SEMA3A: variants seen among roughly 807,000 people sequenced by gnomAD.
SEMA3A encodes the protein semaphorin 3A.
SEMA3A carries 29 observed loss-of-function variants against 97.9 expected under a neutral mutation model. That is an observed-to-expected ratio of 0.30 (90% CI 0.22 to 0.40). The LOEUF (loss-of-function observed/expected upper bound fraction) is 0.40, where lower values mean the gene tolerates loss of function less well. Among genes scored for constraint, SEMA3A ranks in the 10% least tolerant of loss-of-function variants. The pLI, the probability that SEMA3A is intolerant of heterozygous loss-of-function variation, is 1.00. For synonymous variants in SEMA3A, 321 were observed against 323.7 expected (o/e 0.99, Z 0.09); for missense variants, 763 against 951.3 (o/e 0.80, Z 2.60).
At chr7:84,364,444 A>T (rs1159471933) in intron 2 of SEMA3A, among the ~76,000 whole-genome samples, 1 of 151,580 alleles carries the variant, frequency 6.6e-6, no homozygotes, top group Non-Finnish European at 1.5e-5. Flanking sequence ...GAAATCCATC[A>T]CCCTTTTGGA....
chr7:84,099,246 A>G (rs1166226394), intron 4 of SEMA3A, among the ~76,000 whole-genome samples: 2 of 113,832 alleles, frequency 1.8e-5, no homozygotes, highest in Admixed American at 1.0e-4. Context: ...AATTTTTTGT[A>G]TTTTTAGTAG....
intron 14 of SEMA3A, among the ~76,000 whole-genome samples, chr7:83,980,370 G>T (rs1333730315): frequency 6.6e-6 from 1 of 151,564 alleles, no homozygotes; most frequent in African/African-American, 2.4e-5. Context: ...CCTCTCAAAG[G>T]CCAAGGCATG....
Position 83,959,008 on chromosome 7 carries a change from G to A in SEMA3A, c.*2363C>T, listed in dbSNP as rs1029210493. ...ATACACATGGGCAGAGATTATGACT[G>A]TAATGAGTTATCTGCAAGTTATATC... On this transcript the variant is annotated 3_prime_UTR_variant, in exon 17 of 17. Transcript: ENST00000265362. The A allele has an allele frequency of 6.6e-5, 10 of 152,020 alleles. No homozygotes were observed. Among genetic ancestry groups the A allele is most frequent in the Admixed American group, 2.6e-4 (4 of 15,242 alleles). The allele number at this position is 152,020 out of a possible 1,614,324, so 9.4% of individuals were successfully genotyped here.
chr7:84,351,313 A>C (rs1220071448), intron 2 of SEMA3A, among the ~76,000 whole-genome samples: 1 of 152,034 alleles, frequency 6.6e-6, no homozygotes, highest in Non-Finnish European at 1.5e-5. Flanking sequence ...AAGATGTCAC[A>C]CCTTGCGTAA....
At chr7:84,073,116 A>G (rs1296501748) in intron 4 of SEMA3A, among the ~76,000 whole-genome samples, 1 of 152,156 alleles carries the variant, frequency 6.6e-6, no homozygotes, top group African/African-American at 2.4e-5. Flanking sequence ...ATTTTATTTT[A>G]GAGTATTCAT....
intron 12 of SEMA3A, among the ~76,000 whole-genome samples, chr7:83,995,268 A>AC (rs1221595494): frequency 5.7e-4 from 86 of 152,094 alleles, no homozygotes; most frequent in African/African-American, 2.0e-3. Context: ...TGCAGAAATC[A>AC]CTGTCTTCTG....
At chr7:84,436,417 T>G (rs1387903832) in intron 1 of SEMA3A, among the ~76,000 whole-genome samples, 2 of 152,166 alleles carry the variant, frequency 1.3e-5, no homozygotes, top group Non-Finnish European at 1.5e-5. Flanking sequence ...GAAGAAAATA[T>G]TTTCAAACTA....
chr7:84,095,165 C>T (rs886647760), intron 4 of SEMA3A, among the ~76,000 whole-genome samples: 2 of 144,300 alleles, frequency 1.4e-5, no homozygotes, highest in African/African-American at 5.0e-5. Flanking sequence ...ATATATATTG[C>T]ACATATCTCT....
chr7:84,078,634 GA>G (rs1220206441), intron 4 of SEMA3A, among the ~76,000 whole-genome samples: 4 of 151,944 alleles, frequency 2.6e-5, no homozygotes, highest in Non-Finnish European at 5.9e-5. Context: ...GAAGTTAATG[GA>G]AACGTCAAAG....
intron 2 of SEMA3A, among the ~76,000 whole-genome samples, chr7:84,325,596 G>GTA (rs1801757551): frequency 1.3e-5 from 2 of 151,744 alleles, no homozygotes; most frequent in South Asian, 4.2e-4. Context: ...ATATGAGGGA[G>GTA]TATAACCACC....
intron 3 of SEMA3A, among the ~76,000 whole-genome samples, chr7:84,125,350 C>A (rs1795757790): frequency 6.6e-6 from 1 of 152,218 alleles, no homozygotes; most frequent in Non-Finnish European, 1.5e-5. Context: ...ATTCAGCAAA[C>A]TCCATGTCTT....
intron 1 of SEMA3A, among the ~76,000 whole-genome samples, chr7:84,186,424 T>C (rs1797887244): frequency 6.6e-6 from 1 of 152,170 alleles, no homozygotes; most frequent in African/African-American, 2.4e-5. Context: ...AAACGTACTT[T>C]CATTTAAGCT....
At chr7:84,142,148 TA>T (rs1796314695) in intron 1 of SEMA3A, among the ~76,000 whole-genome samples, 1 of 152,218 alleles carries the variant, frequency 6.6e-6, no homozygotes, top group African/African-American at 2.4e-5. Context: ...TTATGTAAAG[TA>T]AGTTGTTCAT....
At chr7:84,491,610 A>G (rs1806737169) in intron 1 of SEMA3A, among the ~76,000 whole-genome samples, 1 of 152,128 alleles carries the variant, frequency 6.6e-6, no homozygotes, top group Admixed American at 6.6e-5. Context: ...AATTCAGAAT[A>G]TATGGTAGAG....
intron 4 of SEMA3A, among the ~76,000 whole-genome samples, chr7:84,104,688 AC>A: frequency 6.6e-6 from 1 of 152,160 alleles, no homozygotes; most frequent in East Asian, 1.9e-4. Flanking sequence ...TTACTCCCTC[AC>A]TTAAGCACTA....
chr7:84,368,415 A>G (rs1044871522), intron 2 of SEMA3A, among the ~76,000 whole-genome samples: 1 of 151,142 alleles, frequency 6.6e-6, no homozygotes, highest in Non-Finnish European at 1.5e-5. Context: ...AATGAGGTTT[A>G]CAAGGATAAA....
At chr7:84,097,461 C>G (rs1424024768) in intron 4 of SEMA3A, among the ~76,000 whole-genome samples, 4 of 152,054 alleles carry the variant, frequency 2.6e-5, no homozygotes, top group African/African-American at 9.7e-5. Flanking sequence ...GGTTTAATGT[C>G]ATTTCAGTGG....
chr7:84,417,650 T>G (rs908804877), intron 1 of SEMA3A, among the ~76,000 whole-genome samples: 7 of 152,080 alleles, frequency 4.6e-5, no homozygotes, highest in African/African-American at 1.7e-4. Flanking sequence ...AAAAATGACT[T>G]TTTCTTATTT....
At chr7:84,327,897 T>G (rs904874443) in intron 2 of SEMA3A, among the ~76,000 whole-genome samples, 2 of 151,930 alleles carry the variant, frequency 1.3e-5, no homozygotes, top group African/African-American at 2.4e-5. Flanking sequence ...TTAGCCAGAG[T>G]TAAAATGTAA....
Sources: gnomAD v4.1 joint callset for allele counts (sites outside exome capture counted in the v4.1 genomes callset) on GRCh38, gnomAD v4.1.1 for gene constraint, MANE v1.5 for transcripts, NCBI Gene and HGNC (gene_info 2026-07-23, HGNC 2026-07-21) for gene names.